The following MAN2A1 variants were observed in gnomAD, a reference collection of about 807,000 sequenced individuals.
MAN2A1 encodes the protein alpha-mannosidase 2.
A neutral mutation model predicts 142.6 loss-of-function variants in MAN2A1; 76 were observed. The ratio of observed to expected loss-of-function variants is 0.53; its 90% confidence interval spans 0.44 to 0.65. The LOEUF (loss-of-function observed/expected upper bound fraction) is 0.65. MAN2A1 is among the 30% of genes least tolerant of loss of function. The pLI is 0.00. For synonymous variants in MAN2A1, 559 were observed against 473.2 expected (o/e 1.18, Z -2.35); for missense variants, 1,311 against 1,365.1 (o/e 0.96, Z 0.62).
At chr5:109,839,649 C>CT (rs34820879) in intron 16 of MAN2A1, among the ~76,000 whole-genome samples, 438 of 109,794 alleles carry the variant, frequency 4.0e-3, no homozygotes, top group African/African-American at 0.011. Context: ...CTGTCTCTCT[C>CT]TTTTTTTTTT....
intron 4 of MAN2A1, among the ~76,000 whole-genome samples, chr5:109,751,297 A>C (rs1752540481): frequency 6.6e-6 from 1 of 151,958 alleles, no homozygotes; most frequent in Admixed American, 6.6e-5. Flanking sequence ...AATGACCTCC[A>C]GTTTCATTCA....
At chr5:109,787,290 A>G (rs1187922662) in intron 10 of MAN2A1, among the ~76,000 whole-genome samples, 1 of 151,972 alleles carries the variant, frequency 6.6e-6, no homozygotes, top group Non-Finnish European at 1.5e-5. Flanking sequence ...TAGACAAACT[A>G]TATAGTGGCA....
intron 5 of MAN2A1, among the ~76,000 whole-genome samples, chr5:109,761,349 A>T (rs1265628739): frequency 6.7e-6 from 1 of 149,938 alleles, no homozygotes; most frequent in Non-Finnish European, 1.5e-5. Context: ...GTATCATATT[A>T]TATAGTATTT....
chr5:109,808,038 A>T (rs757302611), intron 12 of MAN2A1, among the ~76,000 whole-genome samples: 1 of 152,198 alleles, frequency 6.6e-6, no homozygotes, highest in Non-Finnish European at 1.5e-5. Flanking sequence ...TGTAATGACT[A>T]AAAGACAACC....
intron 7 of MAN2A1, among the ~76,000 whole-genome samples, chr5:109,774,213 T>C (rs1017392921): frequency 6.6e-6 from 1 of 152,118 alleles, no homozygotes. Flanking sequence ...AGGTGACAAG[T>C]GTGTGGATTT....
chr5:109,809,838 C>T (rs1002871866), intron 12 of MAN2A1, among the ~76,000 whole-genome samples: 9 of 152,148 alleles, frequency 5.9e-5, no homozygotes, highest in Non-Finnish European at 1.3e-4. Context: ...TTATTTCCAT[C>T]TACACATATC....
At chr5:109,861,008 A>AGCTAGTGC (rs1436024354) in intron 20 of MAN2A1, among the ~76,000 whole-genome samples, 1 of 152,186 alleles carries the variant, frequency 6.6e-6, no homozygotes, top group African/African-American at 2.4e-5. Context: ...TATGAGCACA[A>AGCTAGTGC]ATTCATAGCT....
At chr5:109,718,426 A>G (rs1046192966) in intron 3 of MAN2A1, among the ~76,000 whole-genome samples, 1 of 152,228 alleles carries the variant, frequency 6.6e-6, no homozygotes, top group Non-Finnish European at 1.5e-5. Context: ...GTGCATACGC[A>G]TGAAGGTTAG....
intron 5 of MAN2A1, among the ~76,000 whole-genome samples, chr5:109,757,560 A>T (rs1184885429): frequency 1.3e-5 from 2 of 152,124 alleles, no homozygotes; most frequent in Non-Finnish European, 2.9e-5. Flanking sequence ...TGCCCAGTGT[A>T]ATTTTTTCTT....
At chr5:109,783,075 G>A (rs1429485954) in intron 9 of MAN2A1, among the ~76,000 whole-genome samples, 4 of 152,000 alleles carry the variant, frequency 2.6e-5, no homozygotes, top group Non-Finnish European at 5.9e-5. Flanking sequence ...TATAAAGTGG[G>A]TTATATTCTC....
intron 4 of MAN2A1, among the ~76,000 whole-genome samples, chr5:109,740,194 T>G (rs1752227490): frequency 6.6e-6 from 1 of 152,206 alleles, no homozygotes; most frequent in African/African-American, 2.4e-5. Flanking sequence ...AGTTCCTCTG[T>G]TGGAGAATTA....
intron 19 of MAN2A1, chr5:109,854,416 A>G (rs879285817): frequency 1.3e-5 from 2 of 152,172 alleles, no homozygotes; most frequent in Non-Finnish European, 2.9e-5. Context: ...TTTAAATTAT[A>G]TGGAATAATC....
intron 16 of MAN2A1, among the ~76,000 whole-genome samples, chr5:109,839,049 T>G (rs1755128944): frequency 6.6e-6 from 1 of 152,196 alleles, no homozygotes; most frequent in East Asian, 1.9e-4. Context: ...TTTGAGACAA[T>G]ATCTAATCTA....
intron 1 of MAN2A1, among the ~76,000 whole-genome samples, chr5:109,701,861 A>C (rs1387089323): frequency 6.6e-6 from 1 of 152,186 alleles, no homozygotes; most frequent in Non-Finnish European, 1.5e-5. Flanking sequence ...TACTATTTGC[A>C]GAAGGAGATA....
intron 6 of MAN2A1, among the ~76,000 whole-genome samples, chr5:109,769,431 T>C (rs1404911581): frequency 2.0e-5 from 3 of 152,230 alleles, no homozygotes; most frequent in African/African-American, 7.2e-5. Flanking sequence ...TAAATTTTTT[T>C]GTCTTTCTGT....
intron 18 of MAN2A1, among the ~76,000 whole-genome samples, chr5:109,846,988 C>A (rs1261761281): frequency 7.3e-6 from 1 of 136,448 alleles, no homozygotes; most frequent in Non-Finnish European, 1.6e-5. Context: ...GGTTAGGGGC[C>A]CAGTGTTGCT....
intron 3 of MAN2A1, among the ~76,000 whole-genome samples, chr5:109,724,424 AT>A (rs1751688811): frequency 6.6e-6 from 1 of 152,202 alleles, no homozygotes; most frequent in African/African-American, 2.4e-5. Context: ...TGAATCTAAA[AT>A]TAAAAAAAAG....
At position 109,707,501 on chromosome 5, in the gene MAN2A1, A is replaced by T. The variant is rs368917636; in HGVS notation, c.136-6019A>T. ...TATGGTGCCTGTTGTCAATATAGGG[A>T]TTCATTTAGTGAGGAAAAGAGGGAA... On this transcript the variant is annotated intron_variant, in intron 1 of 21. Coordinates refer to ENST00000261483, the MANE Select transcript of MAN2A1 (RefSeq NM_002372.4). 9.2e-5 allele frequency among the ~76,000 whole-genome samples: 14 copies of T among 152,216 alleles called. 1 individual carries two copies. The highest frequency in any genetic ancestry group is 2.6e-4 in the Admixed American group (4 of 15,276).
At chr5:109,733,572 G>T (rs374767195) in intron 4 of MAN2A1, among the ~76,000 whole-genome samples, 1 of 152,120 alleles carries the variant, frequency 6.6e-6, no homozygotes, top group African/African-American at 2.4e-5. Context: ...TTAGCATGAA[G>T]TGTTGTTGAA....
Sources: gnomAD v4.1 joint callset for allele counts (sites outside exome capture counted in the v4.1 genomes callset) on GRCh38, gnomAD v4.1.1 for gene constraint, MANE v1.5 for transcripts, NCBI Gene and HGNC (gene_info 2026-07-23, HGNC 2026-07-21) for gene names.